Variants in RORA observed in about 807,000 individuals in gnomAD.
RORA encodes RAR related orphan receptor A, also known as nuclear receptor ROR-alpha.
A neutral mutation model predicts 69.5 loss-of-function variants in RORA; 7 were observed. The ratio of observed to expected loss-of-function variants is 0.10; its 90% CI spans 0.06 to 0.19. The LOEUF is 0.19. Among genes scored for constraint, RORA ranks in the 10% least tolerant of loss-of-function variants. The probability of loss-of-function intolerance (pLI) is 1.00; values close to 1 mark genes in which losing one functional copy is unlikely to be tolerated. For synonymous variants in RORA, 261 were observed against 240.8 expected (o/e 1.08, Z -0.78); for missense variants, 457 against 663.0 (o/e 0.69, Z 3.41).
intron 1 of RORA, among the ~76,000 whole-genome samples, chr15:60,868,969 A>G (rs1458945798): frequency 1.3e-5 from 2 of 152,190 alleles, no homozygotes; most frequent in African/African-American, 4.8e-5. Flanking sequence ...TCAAACAAGG[A>G]AGCTGACCAG....
chr15:60,918,167 G>A (rs1166358242), intron 1 of RORA, among the ~76,000 whole-genome samples: 1 of 152,244 alleles, frequency 6.6e-6, no homozygotes, highest in East Asian at 1.9e-4. Context: ...CATATAACTA[G>A]TGTGTGGGAC....
At chr15:61,049,942 A>C (rs1283097273) in intron 1 of RORA, among the ~76,000 whole-genome samples, 3 of 152,198 alleles carry the variant, frequency 2.0e-5, no homozygotes, top group Non-Finnish European at 4.4e-5. Context: ...TACAGGTGTG[A>C]GCCACGGCAC....
At chr15:60,987,928 G>C (rs886917649) in intron 1 of RORA, among the ~76,000 whole-genome samples, 1 of 152,208 alleles carries the variant, frequency 6.6e-6, no homozygotes, top group African/African-American at 2.4e-5. Flanking sequence ...CCACACAGAA[G>C]GGGCTCAAGT....
intron 2 of RORA, among the ~76,000 whole-genome samples, chr15:60,657,913 G>A (rs1468473573): frequency 6.6e-6 from 1 of 152,036 alleles, no homozygotes; most frequent in East Asian, 1.9e-4. Flanking sequence ...GTGACTTCCA[G>A]GACCCCCAGT....
chr15:61,212,715 T>C (rs943999493), intron 1 of RORA, among the ~76,000 whole-genome samples: 1 of 152,208 alleles, frequency 6.6e-6, no homozygotes, highest in African/African-American at 2.4e-5. Context: ...TTACACCTTA[T>C]GTAGATGTAG....
At chr15:60,637,162 C>A (rs1325266791) in intron 2 of RORA, among the ~76,000 whole-genome samples, 1 of 151,790 alleles carries the variant, frequency 6.6e-6, no homozygotes, top group African/African-American at 2.4e-5. Context: ...GCCAAGAAAG[C>A]TGTATCAATT....
At chr15:60,632,225 C>T (rs2069753440) in intron 2 of RORA, among the ~76,000 whole-genome samples, 1 of 152,000 alleles carries the variant, frequency 6.6e-6, no homozygotes, top group Non-Finnish European at 1.5e-5. Context: ...CCTGCCTCAG[C>T]CTCCCAAGTA....
chr15:60,681,052 A>G (rs528604028), intron 1 of RORA, among the ~76,000 whole-genome samples: 1 of 152,330 alleles, frequency 6.6e-6, no homozygotes, highest in African/African-American at 2.4e-5. Context: ...CAAACACACA[A>G]AAGGCAAATT....
At position 60,525,147 on chromosome 15, in the gene RORA, T is replaced by C. The variant is rs2066307453; in HGVS notation, c.282+6619A>G. Among the ~76,000 whole-genome samples, 4 of 152,316 alleles carry C rather than the reference T, an allele frequency of 2.6e-5. No homozygotes were observed. In the South Asian group the frequency reaches 6.2e-4, roughly 24 times the overall value. On this transcript the variant is annotated intron_variant, in intron 3 of 10. Transcript: ENST00000335670. ...CTGTAGTCCGAGTTCCCTACAATGG[T>C]TCAGATGAGGGAGATGGCATTTTAT...
chr15:60,505,212 T>C (rs1431534864), intron 6 of RORA, among the ~76,000 whole-genome samples: 1 of 152,236 alleles, frequency 6.6e-6, no homozygotes, highest in African/African-American at 2.4e-5. Flanking sequence ...ATTGAGACAA[T>C]TCTCAATTCA....
At chr15:60,776,151 C>A (rs2072163828) in intron 1 of RORA, among the ~76,000 whole-genome samples, 1 of 152,060 alleles carries the variant, frequency 6.6e-6, no homozygotes. Context: ...TTGTGATGAC[C>A]AACCAGCTTG....
chr15:61,095,861 T>C (rs1167125281), intron 1 of RORA, among the ~76,000 whole-genome samples: 2 of 152,162 alleles, frequency 1.3e-5, no homozygotes, highest in African/African-American at 4.8e-5. Context: ...AACTACTTTC[T>C]AAAAGTCAGG....
At position 60,921,636 on chromosome 15, in the gene RORA, T is replaced by A. The variant is rs182708341; in HGVS notation, c.167-242950A>T. On this transcript the variant is annotated intron_variant, in intron 1 of 10. Transcript: ENST00000335670. ...CTACAAATTCATTGAGCTGCACAAA[T>A]ATGATCTGTGCACATTTCTTTGTAT... Among the ~76,000 whole-genome samples the A allele has an allele frequency of 3.6e-3, 548 of 152,294 alleles. 2 individuals are homozygous for A. Among genetic ancestry groups the A allele is most frequent in the Non-Finnish European group, 4.8e-3 (327 of 68,024 alleles).
chr15:60,549,864 G>T (rs903633559), intron 2 of RORA, among the ~76,000 whole-genome samples: 1 of 152,146 alleles, frequency 6.6e-6, no homozygotes, highest in Non-Finnish European at 1.5e-5. Flanking sequence ...TTTATAAAGG[G>T]TCTGATTTTC....
chr15:60,779,945 C>T (rs1156609432), intron 1 of RORA, among the ~76,000 whole-genome samples: 1 of 152,146 alleles, frequency 6.6e-6, no homozygotes, highest in Non-Finnish European at 1.5e-5. Flanking sequence ...AACACATTTC[C>T]TCATTTGGAT....
At chr15:60,826,543 T>A (rs999934181) in intron 1 of RORA, among the ~76,000 whole-genome samples, 2 of 152,210 alleles carry the variant, frequency 1.3e-5, no homozygotes, top group African/African-American at 4.8e-5. Flanking sequence ...ACACTTTTTT[T>A]AAGCACTTGA....
chr15:60,669,626 A>G (rs2070434527), intron 2 of RORA, among the ~76,000 whole-genome samples: 1 of 123,498 alleles, frequency 8.1e-6, no homozygotes, highest in African/African-American at 3.1e-5. Context: ...TTCCTTGTTA[A>G]TACTCTACTC....
chr15:60,646,822 T>C (rs2070054723), intron 2 of RORA, among the ~76,000 whole-genome samples: 1 of 152,244 alleles, frequency 6.6e-6, no homozygotes, highest in African/African-American at 2.4e-5. Context: ...CTCGTATGCT[T>C]GGGCAAGTCA....
intron 1 of RORA, among the ~76,000 whole-genome samples, chr15:61,124,763 C>T (rs1347971815): frequency 6.6e-6 from 1 of 152,150 alleles, no homozygotes; most frequent in Non-Finnish European, 1.5e-5. Context: ...ACTCTGAGTA[C>T]TCAAAGACTG....
Sources: allele counts gnomAD v4.1 joint callset (sites outside exome capture counted in the v4.1 genomes callset), GRCh38; gene constraint gnomAD v4.1.1; transcripts MANE v1.5; gene names NCBI Gene and HGNC (gene_info 2026-07-23, HGNC 2026-07-21).